The following CNTN2 variants were observed in gnomAD, a reference collection of about 807,000 sequenced individuals.
CNTN2 encodes contactin-2.
CNTN2 carries 53 observed loss-of-function variants against 117.5 expected under a neutral mutation model. That is an observed-to-expected ratio of 0.45 (90% confidence interval 0.36 to 0.57). The LOEUF (loss-of-function observed/expected upper bound fraction) is 0.57. Among genes scored for constraint, CNTN2 ranks in the 20% least tolerant of loss-of-function variants. The pLI is 0.00. For synonymous variants in CNTN2, 530 were observed against 561.7 expected (o/e 0.94, Z 0.80); for missense variants, 1,106 against 1,404.3 (o/e 0.79, Z 3.39).
In CNTN2 at chr1:205,058,073, C is replaced by T. The variant is rs1409136618; in HGVS notation, c.215+8C>T. 6.2e-7 allele frequency: 1 copy of T among 1,612,918 alleles called. No homozygotes were observed. Among genetic ancestry groups the T allele is most frequent in the Non-Finnish European group, 8.5e-7 (1 of 1,179,614 alleles). On this transcript the variant is annotated splice_region_variant and intron_variant, in intron 3 of 22. Coordinates refer to ENST00000331830, the MANE Select transcript of CNTN2 (RefSeq NM_005076.5). The surrounding 1 kb of genome is among the most constrained non-coding windows in gnomAD (Gnocchi z 4.3). ...CCCTCCAGCCACCTATCGGTAAGGC[C>T]TCTGCAGTGGGTGCTGGGAGGCCCT... is the stretch of plus-strand genomic sequence containing the variant.
rs1654751070 is a variant in CNTN2 at position 205,074,269 on chromosome 1, C to T, written c.*504C>T. 4.9e-6 allele frequency: 2 copies of T among 406,830 alleles called. No individual in the cohort carries two copies. The highest frequency in any genetic ancestry group is 4.1e-5 in the African/African-American group (2 of 48,846). The allele number at this position is 406,830 out of a possible 1,614,324, so 25.2% of individuals were successfully genotyped here. ...GACCAAGAGCTCTCCCGCCTTCTCC[C>T]TCGAGCAGCAGCAAGGACCCTGACG... On this transcript the variant is annotated 3_prime_UTR_variant, in exon 23 of 23. Coordinates refer to ENST00000331830, the MANE Select transcript of CNTN2 (RefSeq NM_005076.5).
At chr1:205,072,836 A>G in intron 21 of CNTN2, 5 of 634,368 alleles carry the variant, frequency 7.9e-6, no homozygotes, top group Non-Finnish European at 1.1e-5. Flanking sequence ...GTGATGGACT[A>G]TGGGGATGGA....
Position 205,076,781 on chromosome 1 carries a change from G to C in CNTN2, c.*3016G>C, listed in dbSNP as rs1214108534. ...ATGTACACCCAGCCTCAGGGGGAAG[G>C]CAGCTCTCTCCAGACAGAGTCTCAG... On this transcript the variant is annotated 3_prime_UTR_variant, in exon 23 of 23. Transcript: ENST00000331830. The C allele has an allele frequency of 6.6e-6, 1 of 152,308 alleles. No homozygotes were observed. The highest frequency in any genetic ancestry group is 2.1e-4 in the South Asian group (1 of 4,834). The allele number at this position is 152,308 out of a possible 1,614,324, so 9.4% of individuals were successfully genotyped here. A position where few individuals can be genotyped will look rare whatever the true frequency, so the allele number is the denominator to read the frequency against.
At position 205,048,945 on chromosome 1, in the gene CNTN2, G is replaced by C. The variant is rs1010428640; in HGVS notation, c.-86-4155G>C. Reference sequence around the variant, plus strand: ...TGTGTGTGTGTGTGTGTGTGTGTGTGTGTGTGTGTGTGTGTTCACCCAAGG... The same window carrying C: ...TGTGTGTGTGTGTGTGTGTGTGTGTCTGTGTGTGTGTGTGTTCACCCAAGG... On this transcript the variant is annotated intron_variant, in intron 1 of 22. Transcript: ENST00000331830. This position sits in a 1 kb window ranked among gnomAD's most constrained non-coding sequence, Gnocchi z 4.1. 6.7e-6 allele frequency among the ~76,000 whole-genome samples: 1 copy of C among 149,428 alleles called. No individual in the cohort carries two copies. The highest frequency in any genetic ancestry group is 6.7e-5 in the Admixed American group (1 of 14,980).
rs966218794 is a variant in CNTN2 at position 205,077,206 on chromosome 1, G to A, written c.*3441G>A. 3.3e-5 allele frequency: 5 copies of A among 152,278 alleles called. No homozygotes were observed. The highest frequency in any genetic ancestry group is 1.2e-4 in the African/African-American group (5 of 41,456). 9.4% of individuals were successfully genotyped at this position (152,278 alleles called of 1,614,324 possible). Reference sequence around the variant, plus strand: ...CCTGCACCTTATGGGAAGCCATTAAGGGGGCTCATCTAGGAATTCTGGTTA... The same window carrying A: ...CCTGCACCTTATGGGAAGCCATTAAAGGGGCTCATCTAGGAATTCTGGTTA... On this transcript the variant is annotated 3_prime_UTR_variant, in exon 23 of 23. Transcript: ENST00000331830.
rs991084733 is a variant in CNTN2 at position 205,069,529 on chromosome 1, G to A, written c.2164G>A (p.Gly722Arg). ...ACCCTCAGGACTCAGCGGAGGAGGT[G>A]GAGCCCCCGGAGAGCTCATCGTCAA... ...VAPSGLSGGG[G>R]APGELIVNWT... Residue 722 changes from glycine (G) to arginine (R), a missense_variant, in exon 17 of 23, where the codon GGA becomes AGA. By Grantham distance (125) the Gly-to-Arg change is moderately radical. Transcript: ENST00000331830. 1 of 1,613,812 alleles carries A rather than the reference G, an allele frequency of 6.2e-7. No homozygotes were observed. The highest frequency in any genetic ancestry group is 1.3e-5 in the African/African-American group (1 of 74,886).
In CNTN2 at chr1:205,075,672, C is replaced by G. The variant is rs541584442; in HGVS notation, c.*1907C>G. The stretch of plus-strand genomic sequence containing the variant: ...CTCACATGCCTTTTCCCTGCCACAG[C>G]CAAACCCCCACTGCACCCTACCCAC... On this transcript the variant is annotated 3_prime_UTR_variant, in exon 23 of 23. Coordinates refer to ENST00000331830, the MANE Select transcript of CNTN2 (RefSeq NM_005076.5). The G allele has an allele frequency of 1.3e-5, 2 of 152,498 alleles. No homozygotes were observed. The highest frequency in any genetic ancestry group is 4.8e-5 in the African/African-American group (2 of 41,552). The allele number at this position is 152,498 out of a possible 1,614,324, so 9.4% of individuals were successfully genotyped here. A position where few individuals can be genotyped will look rare whatever the true frequency, so the allele number is the denominator to read the frequency against.
At chr1:205,062,783 T>G in intron 10 of CNTN2, 1 of 410,294 alleles carries the variant, frequency 2.4e-6, no homozygotes, top group Non-Finnish European at 4.2e-6. Context: ...TCTGACTTGT[T>G]CCATGTCTGG....
Position 205,065,220 on chromosome 1 carries a change from C to T in CNTN2, c.1653C>T (p.Ile551=), listed in dbSNP as rs147493920. The T allele has an allele frequency of 7.9e-5, 127 of 1,614,070 alleles. No homozygotes were observed. The highest frequency in any genetic ancestry group is 9.9e-5 in the Non-Finnish European group (117 of 1,180,040). Residue 551 remains isoleucine (I), a synonymous_variant, in exon 13 of 23, where the codon ATC becomes ATT. Transcript: ENST00000331830. The surrounding 1 kb of genome is among the most constrained non-coding windows in gnomAD (Gnocchi z 4.1). The part of the protein sequence containing the change: ...TFTWTLDDFP[I]DFDKPGGHYR... ...CCTGGACCCTGGACGACTTCCCCAT[C>T]GACTTTGATAAGCCTGGAGGGCACT...
At position 205,059,397 on chromosome 1, in the gene CNTN2, A is replaced by G; in HGVS notation, c.697+104A>G. ...AGATTGGAAGATCAGCTTGCAGGGC[A>G]CTGATTCCAGGCCCTGGACCCCCAG... On this transcript the variant is annotated intron_variant, in intron 6 of 22. Transcript: ENST00000331830. The surrounding 1 kb of genome is among the most constrained non-coding windows in gnomAD (Gnocchi z 5.6). 1.6e-6 allele frequency: 2 copies of G among 1,270,168 alleles called. No homozygotes were observed. The highest frequency in any genetic ancestry group is 2.0e-5 in the Admixed American group (1 of 50,120). 78.7% of individuals were successfully genotyped at this position (1,270,168 alleles called of 1,614,324 possible). A position where few individuals can be genotyped will look rare whatever the true frequency, so the allele number is the denominator to read the frequency against.
At chr1:205,051,632 C>A (rs1282909617) in intron 1 of CNTN2, among the ~76,000 whole-genome samples, 1 of 152,148 alleles carries the variant, frequency 6.6e-6, no homozygotes, top group Non-Finnish European at 1.5e-5. Flanking sequence ...CCACCCCCAG[C>A]AAAACACCCA....
Position 205,065,331 on chromosome 1 carries a change from T to C in CNTN2, c.1695+69T>C. The C allele has an allele frequency of 6.5e-7, 1 of 1,538,756 alleles. No individual in the cohort carries two copies. The highest frequency in any genetic ancestry group is 1.8e-5 in the Admixed American group (1 of 55,796). ...GAGAGACAGGGGCCCCAAGATGTCCTTAGCCATCCTCACCTTTAAGAAACC... is the reference window on the plus strand; with the variant it reads ...GAGAGACAGGGGCCCCAAGATGTCCCTAGCCATCCTCACCTTTAAGAAACC... On this transcript the variant is annotated intron_variant, in intron 13 of 22. Coordinates refer to ENST00000331830, the MANE Select transcript of CNTN2 (RefSeq NM_005076.5). The surrounding 1 kb of genome is among the most constrained non-coding windows in gnomAD (Gnocchi z 4.1).
rs1204927132 is a variant in CNTN2 at position 205,048,914 on chromosome 1, T to C, written c.-86-4186T>C. 6.4e-5 allele frequency among the ~76,000 whole-genome samples: 2 copies of C among 31,104 alleles called. No individual in the cohort carries two copies. Among genetic ancestry groups the C allele is most frequent in the Non-Finnish European group, 1.1e-4 (2 of 18,150 alleles). The allele number at this position is 31,104 out of a possible 152,430, so 20.4% of individuals were successfully genotyped here. A position where few individuals can be genotyped will look rare whatever the true frequency, so the allele number is the denominator to read the frequency against. ...CAGCCTTTAGCCCAGACTCTGCGTG[T>C]GTGTGTGTGTGTGTGTGTGTGTGTG... is the stretch of plus-strand genomic sequence containing the variant. On this transcript the variant is annotated intron_variant, in intron 1 of 22. Coordinates refer to ENST00000331830, the MANE Select transcript of CNTN2 (RefSeq NM_005076.5). This position sits in a 1 kb window ranked among gnomAD's most constrained non-coding sequence, Gnocchi z 4.1.
In CNTN2 at chr1:205,077,629, T is replaced by C. The variant is rs981471385; in HGVS notation, c.*3864T>C. The stretch of plus-strand genomic sequence containing the variant: ...TAGCTGCGGAACACCCGTGGACTTG[T>C]GTATATGGTCATAGGCTTTGGGAAG... On this transcript the variant is annotated 3_prime_UTR_variant, in exon 23 of 23. Coordinates refer to ENST00000331830, the MANE Select transcript of CNTN2 (RefSeq NM_005076.5). 3 of 152,206 alleles carry C rather than the reference T, an allele frequency of 2.0e-5. No individual in the cohort carries two copies. Among genetic ancestry groups the C allele is most frequent in the Non-Finnish European group, 2.9e-5 (2 of 68,044 alleles). The allele number at this position is 152,206 out of a possible 1,614,324, so 9.4% of individuals were successfully genotyped here.
At chr1:205,064,537 C>T in intron 11 of CNTN2, 65 bp downstream of exon 11, 2 of 1,595,492 alleles carry the variant, frequency 1.3e-6, no homozygotes, top group South Asian at 1.1e-5. Flanking sequence ...GGCCAATTCC[C>T]CTCCTGTGAC....
At chr1:205,066,078 T>C in intron 14 of CNTN2, 169 bp downstream of exon 14, 1 of 790,382 alleles carries the variant, frequency 1.3e-6, no homozygotes, top group East Asian at 2.8e-5. Flanking sequence ...AGGTCCTAAA[T>C]GATCAGGACA....
Position 205,077,994 on chromosome 1 carries a change from C to T in CNTN2, c.*4229C>T. ...GGCAGTTCTTAAATAAAGATGGTTTCTCAACCTGTTGGGGAAGCTGGCACG... is the reference window on the plus strand; with the variant it reads ...GGCAGTTCTTAAATAAAGATGGTTTTTCAACCTGTTGGGGAAGCTGGCACG... On this transcript the variant is annotated 3_prime_UTR_variant, in exon 23 of 23. Transcript: ENST00000331830. 1 of 152,330 alleles carries T rather than the reference C, an allele frequency of 6.6e-6. No individual in the cohort carries two copies. The highest frequency in any genetic ancestry group is 1.5e-5 in the Non-Finnish European group (1 of 68,060). 9.4% of individuals were successfully genotyped at this position (152,330 alleles called of 1,614,324 possible). A position where few individuals can be genotyped will look rare whatever the true frequency, so the allele number is the denominator to read the frequency against.
intron 1 of CNTN2, among the ~76,000 whole-genome samples, chr1:205,052,365 C>G (rs1320397887): frequency 3.3e-5 from 5 of 152,256 alleles, no homozygotes; most frequent in Admixed American, 3.3e-4. Flanking sequence ...CTGACTTGCT[C>G]TCAGCAGCTA....
rs548183577 is a variant in CNTN2 at position 205,049,681 on chromosome 1, C to T, written c.-86-3419C>T. On this transcript the variant is annotated intron_variant, in intron 1 of 22. Coordinates refer to ENST00000331830, the MANE Select transcript of CNTN2 (RefSeq NM_005076.5). ...CAGCACCCTGCCCCCAGTGAGCTCC[C>T]GGGCCTGACAGGCTGGCAAAGAGCA... is the stretch of plus-strand genomic sequence containing the variant. Among the ~76,000 whole-genome samples the T allele has an allele frequency of 1.1e-4, 16 of 152,308 alleles. 1 individual carries two copies. Among genetic ancestry groups the T allele is most frequent in the African/African-American group, 3.8e-4 (16 of 41,572 alleles).
Sources: gnomAD v4.1 joint callset for allele counts (sites outside exome capture counted in the v4.1 genomes callset) on GRCh38, gnomAD v4.1.1 for gene constraint, Gnocchi (gnomAD v3.1) non-coding constraint, MANE v1.5 for transcripts, NCBI Gene and HGNC (gene_info 2026-07-23, HGNC 2026-07-21) for gene names.